ASB10: variants seen among roughly 807,000 people sequenced by gnomAD.
ASB10 encodes the protein ankyrin repeat and SOCS box containing 10.
In ASB10, 44 loss-of-function variants were observed where a neutral mutation model predicts 35.4. That is an observed-to-expected ratio of 1.24 (90% confidence interval 0.98 to 1.60). The LOEUF (loss-of-function observed/expected upper bound fraction) is 1.60, where lower values mean the gene tolerates loss of function less well. Ranked by LOEUF, ASB10 falls within the 40% of genes most tolerant of loss-of-function variation. ASB10 has a pLI of 0.00. For missense variants in ASB10, 647 were observed against 634.3 expected (o/e 1.02, Z -0.22); for synonymous variants, 294 against 280.4 (o/e 1.05, Z -0.49).
At chr7:151,177,865 T>A (rs1436358766) in intron 3 of ASB10, among the ~76,000 whole-genome samples, 2 of 152,120 alleles carry the variant, frequency 1.3e-5, no homozygotes, top group Non-Finnish European at 2.9e-5. Context: ...GTGGGGAAAA[T>A]AAAGTCCTCG....
chr7:151,187,423 G>A, upstream of ASB10: 1 of 1,550,960 alleles, frequency 6.4e-7, no homozygotes, highest in Non-Finnish European at 8.7e-7. The surrounding 1 kb of genome is among the most constrained non-coding windows in gnomAD (Gnocchi z 5.3). Flanking sequence ...CAGCCCCCTG[G>A]TTCTCAGCAA....
At chr7:151,186,775 C>T (rs1563577348) in intron 1 of ASB10, 40 bp downstream of exon 1, 1 of 1,541,738 alleles carries the variant, frequency 6.5e-7, no homozygotes, top group South Asian at 1.2e-5. Context: ...TGCAGCCTCC[C>T]CTCTCTCCCA....
chr7:151,186,182 G>A (rs1338570304), intron 2 of ASB10, among the ~76,000 whole-genome samples: 1 of 152,152 alleles, frequency 6.6e-6, no homozygotes, highest in Non-Finnish European at 1.5e-5. Flanking sequence ...CTCCACCCCT[G>A]GGAGACCAGA....
rs104886472 is a variant in ASB10, at chr7:151,186,452, T to G, written c.524A>C (p.Asn175Thr). The G allele has an allele frequency of 4.0e-5, 63 of 1,592,384 alleles. No individual in the cohort carries two copies. Among genetic ancestry groups the G allele is most frequent in the Non-Finnish European group, 5.1e-5 (60 of 1,169,838 alleles). ...GCGTTTCCCATCCTGGTCAGCGATGTTGGGGTCGGCTCCTGCCACCAGCAG... is the reference window on the plus strand; with the variant it reads ...GCGTTTCCCATCCTGGTCAGCGATGGTGGGGTCGGCTCCTGCCACCAGCAG... ...HVLLVAGADPNIADQDGKRPL... is the reference protein window; with the variant it reads ...HVLLVAGADPTIADQDGKRPL... Residue 175 changes from asparagine to threonine, a missense_variant, in exon 2 of 6, where the codon AAC becomes ACC. Transcript: ENST00000420175.
chr7:151,186,859 T>C lies in ASB10; in HGVS notation c.272A>G (p.Asp91Gly). The C allele has an allele frequency of 2.5e-6, 4 of 1,612,142 alleles. No individual in the cohort carries two copies. The highest frequency in any genetic ancestry group is 3.4e-6 in the Non-Finnish European group (4 of 1,178,892). The part of the protein sequence containing the change: ...LAPDSVFDTS[D>G]PERWRDFRFN... ...GCGGAAATCCCTCCATCGCTCTGGG[T>C]CGCTGGTATCAAAGACGGAATCAGG... Residue 91 changes from aspartate (D) to glycine (G), a missense_variant, in exon 1 of 6, where the codon GAC becomes GGC. Physicochemically the swap from Asp to Gly is moderately conservative, Grantham distance 94. Coordinates refer to ENST00000420175, the MANE Select transcript of ASB10 (RefSeq NM_001142459.2).
rs1275309944 is a variant in ASB10, at chr7:151,181,421, C to T, written c.622G>A (p.Asp208Asn). The change falls in exon 3 of 6, where the codon GAT (aspartate) becomes AAT (asparagine). Residue 208 changes from aspartate to asparagine, a missense_variant. Physicochemically the swap from Asp to Asn is conservative, Grantham distance 23. Coordinates refer to ENST00000420175, the MANE Select transcript of ASB10 (RefSeq NM_001142459.2). Reference protein sequence around the residue: ...ELLLRFGARVDGRSEEEEETP... With the variant: ...ELLLRFGARVNGRSEEEEETP... Reference sequence around the variant, plus strand: ...TCCTCTTCTTCCTCGGACCGACCATCCACTCTCGCTCCAAACCTGAGGAGC... The same window carrying T: ...TCCTCTTCTTCCTCGGACCGACCATTCACTCTCGCTCCAAACCTGAGGAGC... 6.2e-7 allele frequency: 1 copy of T among 1,607,564 alleles called. No individual in the cohort carries two copies. Among genetic ancestry groups the T allele is most frequent in the Non-Finnish European group, 8.5e-7 (1 of 1,176,202 alleles).
chr7:151,186,793 C>T (rs747986656), intron 1 of ASB10, 22 bp downstream of exon 1: 8 of 1,553,776 alleles, frequency 5.1e-6, no homozygotes, highest in South Asian at 1.2e-5. Context: ...CCACTGAGAG[C>T]CCCCAGTGCC....
chr7:151,187,159 G>A lies in ASB10; in HGVS notation c.-29C>T, dbSNP rs1181908003. On this transcript the variant is annotated 5_prime_UTR_variant, in exon 1 of 6. Coordinates refer to ENST00000420175, the MANE Select transcript of ASB10 (RefSeq NM_001142459.2). The surrounding 1 kb of genome is among the most constrained non-coding windows in gnomAD (Gnocchi z 5.3). ...GGCAGGGAAAGGGGAGTGGGGAGGA[G>A]GAGAGGTATATGCCAAAGGCAGAGA... 3.8e-6 allele frequency: 6 copies of A among 1,560,982 alleles called. No homozygotes were observed. Among genetic ancestry groups the A allele is most frequent in the Non-Finnish European group, 5.2e-6 (6 of 1,152,094 alleles).
chr7:151,187,784 G>T, upstream of ASB10: 2 of 1,442,616 alleles, frequency 1.4e-6, no homozygotes, highest in South Asian at 1.5e-5. The surrounding 1 kb of genome is among the most constrained non-coding windows in gnomAD (Gnocchi z 5.3). Flanking sequence ...GGACTGGGCA[G>T]GTGGGTGCTG....
In ASB10 at chr7:151,186,588, C is replaced by T; in HGVS notation, c.388G>A (p.Glu130Lys). Residue 130 changes from glutamate (E) to lysine (K), a missense_variant, in exon 2 of 6, where the codon GAA becomes AAA. By Grantham distance (56) the Glu-to-Lys change is moderately conservative (BLOSUM62 1). Coordinates refer to ENST00000420175, the MANE Select transcript of ASB10 (RefSeq NM_001142459.2). ...CGCCTCAGCAGCAGCCGCAGGACTT[C>T]CGTGTGGCCACGGCTGGCTGCCACA... Reference protein sequence around the residue: ...LHVAASRGHTEVLRLLLRRRA... With the variant: ...LHVAASRGHTKVLRLLLRRRA... 1 of 1,609,478 alleles carries T rather than the reference C, an allele frequency of 6.2e-7. No individual in the cohort carries two copies. The highest frequency in any genetic ancestry group is 1.1e-5 in the South Asian group (1 of 90,334).
Position 151,180,931 on chromosome 7 carries a change from C to A in ASB10, c.1104+8G>T. On this transcript the variant is annotated splice_region_variant and intron_variant, in intron 3 of 5. Coordinates refer to ENST00000420175, the MANE Select transcript of ASB10 (RefSeq NM_001142459.2). Reference sequence around the variant, plus strand: ...TGGTGGCCCTCCTGCTGCCTGCAGCCCCCATACCTTGGGGAGGGCCCCTGG... The same window carrying A: ...TGGTGGCCCTCCTGCTGCCTGCAGCACCCATACCTTGGGGAGGGCCCCTGG... 1 of 1,510,892 alleles carries A rather than the reference C, an allele frequency of 6.6e-7. No individual in the cohort carries two copies. The highest frequency in any genetic ancestry group is 2.1e-5 in the Admixed American group (1 of 47,316). 93.6% of individuals were successfully genotyped at this position (1,510,892 alleles called of 1,614,324 possible). A position where few individuals can be genotyped will look rare whatever the true frequency, so the allele number is the denominator to read the frequency against.
chr7:151,184,279 G>A (rs1390002144), intron 2 of ASB10, among the ~76,000 whole-genome samples: 2 of 152,070 alleles, frequency 1.3e-5, no homozygotes, highest in African/African-American at 4.8e-5. Context: ...CGGGTGCGGT[G>A]GTGGGCGCCT....
chr7:151,186,461 G>T lies in ASB10; in HGVS notation c.515C>A (p.Ala172Asp). 1 of 1,594,072 alleles carries T rather than the reference G, an allele frequency of 6.3e-7. No homozygotes were observed. Among genetic ancestry groups the T allele is most frequent in the East Asian group, 2.3e-5 (1 of 43,780 alleles). ...ACVHVLLVAGADPNIADQDGK... is the reference protein window; with the variant it reads ...ACVHVLLVAGDDPNIADQDGK... ...ATCCTGGTCAGCGATGTTGGGGTCGGCTCCTGCCACCAGCAGCACATGAAC... is the reference window on the plus strand; with the variant it reads ...ATCCTGGTCAGCGATGTTGGGGTCGTCTCCTGCCACCAGCAGCACATGAAC... Residue 172 changes from alanine (A) to aspartate (D), a missense_variant, in exon 2 of 6, where the codon GCC becomes GAC. Physicochemically the swap from Ala to Asp is moderately radical, Grantham distance 126 (BLOSUM62 -2). Transcript: ENST00000420175.
At chr7:151,182,367 C>G (rs548003389) in intron 2 of ASB10, among the ~76,000 whole-genome samples, 2 of 151,908 alleles carry the variant, frequency 1.3e-5, no homozygotes, top group Admixed American at 6.5e-5. Flanking sequence ...CACCTGAGGT[C>G]AGGAGTTTGA....
intron 2 of ASB10, 67 bp from the exon 3 acceptor site, chr7:151,181,525 G>A (rs1050480466): frequency 1.3e-6 from 2 of 1,487,614 alleles, no homozygotes; most frequent in Non-Finnish European, 1.8e-6. Flanking sequence ...ACACTTGGGT[G>A]GCTCTTGGTT....
At chr7:151,184,793 C>T (rs987369683) in intron 2 of ASB10, among the ~76,000 whole-genome samples, 4 of 152,076 alleles carry the variant, frequency 2.6e-5, no homozygotes, top group Non-Finnish European at 2.9e-5. Flanking sequence ...GAGGCCGAGG[C>T]GGGCAGAACA....
chr7:151,186,446 G>A lies in ASB10; in HGVS notation c.530C>T (p.Ala177Val). The change falls in exon 2 of 6, where the codon GCT becomes GTT. Residue 177 changes from alanine (A) to valine (V), a missense_variant. Physicochemically the swap from Ala to Val is moderately conservative, Grantham distance 64. Transcript: ENST00000420175. The stretch of plus-strand genomic sequence containing the variant: ...CAGGGGGCGTTTCCCATCCTGGTCA[G>A]CGATGTTGGGGTCGGCTCCTGCCAC... ...LLVAGADPNI[A>V]DQDGKRPLHL... is the part of the protein sequence containing the mutation. 6.3e-7 allele frequency: 1 copy of A among 1,590,788 alleles called. No homozygotes were observed. The highest frequency in any genetic ancestry group is 1.1e-5 in the South Asian group (1 of 87,558).
Position 151,185,408 on chromosome 7 carries a change from C to T in ASB10, c.584+984G>A, listed in dbSNP as rs974197649. Reference sequence around the variant, plus strand: ...TGCTGGGATTACAGGTGTGAGCCACCGTGCCCGGCCATTTGTCATTTTTTT... The same window carrying T: ...TGCTGGGATTACAGGTGTGAGCCACTGTGCCCGGCCATTTGTCATTTTTTT... On this transcript the variant is annotated intron_variant, in intron 2 of 5. Coordinates refer to ENST00000420175, the MANE Select transcript of ASB10 (RefSeq NM_001142459.2). Among the ~76,000 whole-genome samples the T allele has an allele frequency of 2.0e-5, 3 of 152,098 alleles. No homozygotes were observed. The East Asian group carries it at 5.8e-4, about 29-fold the overall frequency.
At chr7:151,183,678 G>C (rs1048151751) in intron 2 of ASB10, among the ~76,000 whole-genome samples, 1 of 152,096 alleles carries the variant, frequency 6.6e-6, no homozygotes, top group East Asian at 1.9e-4. Context: ...CTCCACCTCC[G>C]GGGTTGAAGG....
Sources: gnomAD v4.1 joint callset for allele counts (sites outside exome capture counted in the v4.1 genomes callset) on GRCh38, gnomAD v4.1.1 for gene constraint, Gnocchi (gnomAD v3.1) non-coding constraint, MANE v1.5 for transcripts, NCBI Gene and HGNC (gene_info 2026-07-23, HGNC 2026-07-21) for gene names.